Variants in CAST observed in about 807,000 individuals in gnomAD.
CAST encodes the protein MIR583 host.
A neutral mutation model predicts 119.6 loss-of-function variants in CAST; 76 were observed. The ratio of observed to expected loss-of-function variants is 0.64; its 90% CI spans 0.53 to 0.77. The LOEUF (loss-of-function observed/expected upper bound fraction) is 0.77. Among genes scored for constraint, CAST ranks in the 30% least tolerant of loss-of-function variants. The pLI, the probability that CAST is intolerant of heterozygous loss-of-function variation, is 0.00. For synonymous variants in CAST, 319 were observed against 331.6 expected, an observed-to-expected ratio of 0.96 and a Z score of 0.41; for missense variants, 953 against 946.5, an observed-to-expected ratio of 1.01 and a Z score of -0.09.
intron 1 of CAST, among the ~76,000 whole-genome samples, chr5:96,629,374 T>C (rs1747782030): frequency 6.6e-6 from 1 of 151,780 alleles, no homozygotes; most frequent in Admixed American, 6.6e-5. Flanking sequence ...TCTTCTGTTA[T>C]AGCCACAGAA....
the CAST span, among the ~76,000 whole-genome samples, chr5:96,066,717 T>C: frequency 6.6e-6 from 1 of 152,110 alleles, no homozygotes; most frequent in Non-Finnish European, 1.5e-5. Flanking sequence ...TGGAGTACAG[T>C]GGTGTGATCA....
At chr5:96,108,230 A>T in the CAST span, among the ~76,000 whole-genome samples, 3 of 152,206 alleles carry the variant, frequency 2.0e-5, no homozygotes, top group Admixed American at 6.5e-5. Context: ...AGCTCGTCAA[A>T]GTCATTCTCT....
At chr5:96,355,276 C>T in the CAST span, among the ~76,000 whole-genome samples, 13 of 150,840 alleles carry the variant, frequency 8.6e-5, no homozygotes, top group African/African-American at 2.7e-4. Context: ...TGAGAACATG[C>T]GGTGTTTGTT....
At chr5:95,970,849 A>G in the CAST span, among the ~76,000 whole-genome samples, 1 of 152,234 alleles carries the variant, frequency 6.6e-6, no homozygotes, top group Non-Finnish European at 1.5e-5. Flanking sequence ...ATTTAAAAGC[A>G]TCAAGTATTT....
upstream of CAST, among the ~76,000 whole-genome samples, chr5:96,660,968 T>C (rs1011935371): frequency 6.6e-6 from 1 of 151,560 alleles, no homozygotes; most frequent in Non-Finnish European, 1.5e-5. Flanking sequence ...TGCATTTAAA[T>C]CCTCTTCTCC....
intron 18 of CAST, 71 bp from the exon 19 acceptor site, chr5:96,748,446 CT>C (rs1764249219): frequency 2.9e-6 from 2 of 689,810 alleles, no homozygotes; most frequent in Admixed American, 5.6e-5. Flanking sequence ...AAAAAAATTG[CT>C]CCATGAAAAC....
intron 4 of CAST, among the ~76,000 whole-genome samples, chr5:96,724,034 A>G (rs1438352303): frequency 1.3e-5 from 2 of 152,204 alleles, no homozygotes; most frequent in Non-Finnish European, 1.5e-5. Context: ...CATTCATTTA[A>G]AATTTTAATC....
chr5:96,355,171 C>T, the CAST span, among the ~76,000 whole-genome samples: 10 of 151,576 alleles, frequency 6.6e-5, no homozygotes, highest in East Asian at 3.9e-4. Context: ...CTAATGCTAT[C>T]CCTCCCCTAG....
the CAST span, among the ~76,000 whole-genome samples, chr5:95,995,636 C>T: frequency 6.6e-6 from 1 of 151,898 alleles, no homozygotes; most frequent in Non-Finnish European, 1.5e-5. Context: ...TGGTCTCAGA[C>T]CATTAGCAGA....
intron 1 of CAST, among the ~76,000 whole-genome samples, chr5:96,613,356 A>G (rs1285469295): frequency 6.6e-6 from 1 of 152,206 alleles, no homozygotes; most frequent in African/African-American, 2.4e-5. Flanking sequence ...AGGTCTTTCA[A>G]TGAAATTTCA....
At chr5:96,273,149 A>G in the CAST span, among the ~76,000 whole-genome samples, 1 of 152,350 alleles carries the variant, frequency 6.6e-6, no homozygotes, top group South Asian at 2.1e-4. Flanking sequence ...AAATGAGAAC[A>G]CTGTTCTAGG....
At chr5:96,554,010 C>T (rs1746185222) in intron 1 of CAST, among the ~76,000 whole-genome samples, 1 of 152,184 alleles carries the variant, frequency 6.6e-6, no homozygotes, top group Admixed American at 6.5e-5. Flanking sequence ...ATGCTATCCC[C>T]ATCAAGCTAC....
the CAST span, among the ~76,000 whole-genome samples, chr5:96,384,843 A>C: frequency 6.6e-6 from 1 of 152,184 alleles, no homozygotes; most frequent in Non-Finnish European, 1.5e-5. Context: ...GAGTCTTAGT[A>C]CACGCTAGTA....
chr5:96,427,764 G>T, the CAST span, among the ~76,000 whole-genome samples: 2 of 152,150 alleles, frequency 1.3e-5, no homozygotes, highest in Non-Finnish European at 2.9e-5. Flanking sequence ...GCATTAATGG[G>T]CATGCAGTTT....
the CAST span, among the ~76,000 whole-genome samples, chr5:96,021,918 T>C: frequency 6.6e-6 from 1 of 152,168 alleles, no homozygotes; most frequent in African/African-American, 2.4e-5. Flanking sequence ...GGATTCCACA[T>C]CCGTGGATTC....
chr5:96,601,783 T>C (rs1000283838), intron 1 of CAST, among the ~76,000 whole-genome samples: 1 of 152,222 alleles, frequency 6.6e-6, no homozygotes, highest in African/African-American at 2.4e-5. Context: ...TTATCATAAT[T>C]CTTTTCATCC....
At chr5:96,216,685 A>C in the CAST span, among the ~76,000 whole-genome samples, 1 of 152,254 alleles carries the variant, frequency 6.6e-6, no homozygotes, top group East Asian at 1.9e-4. Flanking sequence ...ATGGTGGTGG[A>C]TATGTTTTCC....
the CAST span, among the ~76,000 whole-genome samples, chr5:95,999,237 G>GT: frequency 1.3e-5 from 2 of 151,996 alleles, no homozygotes; most frequent in East Asian, 1.9e-4. Flanking sequence ...TGTGACATGT[G>GT]TTTTTTTGTG....
intron 1 of CAST, among the ~76,000 whole-genome samples, chr5:96,572,145 C>T (rs1746580241): frequency 1.3e-5 from 2 of 151,598 alleles, no homozygotes; most frequent in Admixed American, 1.3e-4. Flanking sequence ...AATATATGCA[C>T]ACAATAGGTT....
Sources: allele counts gnomAD v4.1 joint callset (sites outside exome capture counted in the v4.1 genomes callset), GRCh38; gene constraint gnomAD v4.1.1; transcripts MANE v1.5; gene names NCBI Gene and HGNC (gene_info 2026-07-23, HGNC 2026-07-21).